LINGO2: variants seen among roughly 807,000 people sequenced by gnomAD.
LINGO2 encodes the protein leucine-rich repeat and immunoglobulin-like domain-containing nogo receptor-interacting protein 2.
A neutral mutation model predicts 30.6 loss-of-function variants in LINGO2; 14 were observed. The ratio of observed to expected loss-of-function variants is 0.46; its 90% confidence interval spans 0.30 to 0.72. The LOEUF is 0.72. Among genes scored for constraint, LINGO2 ranks in the 30% least tolerant of loss-of-function variants. The probability of loss-of-function intolerance (pLI) is 0.07; values close to 1 mark genes in which losing one functional copy is unlikely to be tolerated. For synonymous variants in LINGO2, 317 were observed against 288.5 expected, an observed-to-expected ratio of 1.10 and a Z score of -1.00; for missense variants, 729 against 751.7, an observed-to-expected ratio of 0.97 and a Z score of 0.35.
At chr9:28,486,692 A>G (rs1005435684) in intron 1 of LINGO2, among the ~76,000 whole-genome samples, 77 of 142,350 alleles carry the variant, frequency 5.4e-4, no homozygotes, top group African/African-American at 1.9e-3. Context: ...TGAGGCCTCC[A>G]AACAAATGGT....
At chr9:28,416,265 C>A (rs1179102297) in intron 2 of LINGO2, among the ~76,000 whole-genome samples, 1 of 152,024 alleles carries the variant, frequency 6.6e-6, no homozygotes, top group South Asian at 2.1e-4. Context: ...CATCACTATC[C>A]AGTTTAATTA....
At chr9:29,068,146 A>G in the LINGO2 span, among the ~76,000 whole-genome samples, 1 of 151,826 alleles carries the variant, frequency 6.6e-6, no homozygotes, top group Non-Finnish European at 1.5e-5. Context: ...TAACCATTGC[A>G]AATGAATTCA....
the LINGO2 span, among the ~76,000 whole-genome samples, chr9:28,903,750 A>G: frequency 6.6e-6 from 1 of 152,130 alleles, no homozygotes; most frequent in Non-Finnish European, 1.5e-5. Context: ...GAGCACTGGG[A>G]TTACAGATAT....
At chr9:28,817,675 G>T in the LINGO2 span, among the ~76,000 whole-genome samples, 3 of 152,182 alleles carry the variant, frequency 2.0e-5, no homozygotes, top group Non-Finnish European at 4.4e-5. Flanking sequence ...AATCATCAAT[G>T]ATGGCCAAGT....
chr9:28,391,643 C>T (rs1444418668), intron 2 of LINGO2, among the ~76,000 whole-genome samples: 1 of 148,832 alleles, frequency 6.7e-6, no homozygotes, highest in Non-Finnish European at 1.5e-5. Context: ...GATTTAATCA[C>T]CTCATCCACA....
At chr9:29,068,123 T>C in the LINGO2 span, among the ~76,000 whole-genome samples, 1 of 151,804 alleles carries the variant, frequency 6.6e-6, no homozygotes, top group Admixed American at 6.6e-5. Flanking sequence ...TGGGAAAATA[T>C]GAACAAAGCC....
the LINGO2 span, among the ~76,000 whole-genome samples, chr9:28,855,893 T>C: frequency 6.6e-6 from 1 of 152,050 alleles, no homozygotes; most frequent in Non-Finnish European, 1.5e-5. Context: ...TATTCTTGCC[T>C]AGGGCAATAT....
the LINGO2 span, among the ~76,000 whole-genome samples, chr9:28,990,486 A>G: frequency 6.6e-6 from 1 of 152,342 alleles, no homozygotes; most frequent in African/African-American, 2.4e-5. Context: ...CCTGTCTGAC[A>G]GCTTTGAAGA....
Position 28,148,367 on chromosome 9 carries a change from G to A in LINGO2, c.-86-135962C>T, listed in dbSNP as rs1485702232. ...CCCCGTGAGGATTCCTCATCTCAGA[G>A]GCAAGTTTAACCTTCAACTTCCTTC... On this transcript the variant is annotated intron_variant, in intron 4 of 5. Coordinates refer to ENST00000379992, the Ensembl canonical transcript of LINGO2. This position sits in a 1 kb window ranked among gnomAD's most constrained non-coding sequence, Gnocchi z 5.1. 3 of 1,080,092 alleles carry A rather than the reference G, an allele frequency of 2.8e-6. No homozygotes were observed. The highest frequency in any genetic ancestry group is 2.6e-5 in the East Asian group (1 of 38,746). 66.9% of individuals were successfully genotyped at this position (1,080,092 alleles called of 1,614,324 possible). A position where few individuals can be genotyped will look rare whatever the true frequency, so the allele number is the denominator to read the frequency against.
chr9:28,258,528 A>C (rs551814558), intron 4 of LINGO2, among the ~76,000 whole-genome samples: 1 of 152,078 alleles, frequency 6.6e-6, no homozygotes, highest in South Asian at 2.1e-4. Flanking sequence ...AGATTGTTAG[A>C]ATTATGCTGC....
chr9:29,193,050 C>CTA, the LINGO2 span, among the ~76,000 whole-genome samples: 3 of 152,152 alleles, frequency 2.0e-5, no homozygotes, highest in African/African-American at 7.2e-5. Context: ...TCAGAAGGCA[C>CTA]TATATATGTT....
the LINGO2 span, among the ~76,000 whole-genome samples, chr9:28,983,889 C>T: frequency 6.6e-6 from 1 of 152,020 alleles, no homozygotes; most frequent in Non-Finnish European, 1.5e-5. Context: ...GCACCATACA[C>T]TGATATACCT....
At chr9:28,974,588 A>C in the LINGO2 span, among the ~76,000 whole-genome samples, 1 of 152,194 alleles carries the variant, frequency 6.6e-6, no homozygotes, top group Admixed American at 6.5e-5. Flanking sequence ...TGCAAGCCTC[A>C]TGGTAAGGTC....
the LINGO2 span, among the ~76,000 whole-genome samples, chr9:28,724,038 CA>C: frequency 3.9e-5 from 6 of 151,964 alleles, no homozygotes; most frequent in Non-Finnish European, 5.9e-5. Flanking sequence ...CACAATAATA[CA>C]AACATACCAT....
intron 2 of LINGO2, among the ~76,000 whole-genome samples, chr9:28,468,759 C>T (rs922438792): frequency 7.9e-5 from 12 of 152,156 alleles, no homozygotes; most frequent in African/African-American, 2.4e-4. Flanking sequence ...AATATATGCT[C>T]AGAAAAGGTC....
chr9:27,994,887 C>G (rs1278260560), intron 5 of LINGO2, among the ~76,000 whole-genome samples: 1 of 152,086 alleles, frequency 6.6e-6, no homozygotes, highest in African/African-American at 2.4e-5. Context: ...CTTGCTTTGT[C>G]TTATCTTTTC....
intron 4 of LINGO2, among the ~76,000 whole-genome samples, chr9:28,121,873 C>G (rs573934051): frequency 6.6e-6 from 1 of 152,280 alleles, no homozygotes; most frequent in Non-Finnish European, 1.5e-5. Context: ...TATATTCAAG[C>G]TTGGTGCTAT....
At chr9:28,696,265 G>C in the LINGO2 span, among the ~76,000 whole-genome samples, 2 of 151,834 alleles carry the variant, frequency 1.3e-5, no homozygotes, top group African/African-American at 4.8e-5. Flanking sequence ...CCATGATTTG[G>C]GTTCACTTTT....
the LINGO2 span, among the ~76,000 whole-genome samples, chr9:28,993,401 G>A: frequency 2.0e-5 from 3 of 152,112 alleles, no homozygotes; most frequent in African/African-American, 7.2e-5. Flanking sequence ...AAGAGTCCAG[G>A]ACCAGATGGA....
Sources: gnomAD v4.1 joint callset for allele counts (sites outside exome capture counted in the v4.1 genomes callset) on GRCh38, gnomAD v4.1.1 for gene constraint, Gnocchi (gnomAD v3.1) non-coding constraint, MANE v1.5 for transcripts, NCBI Gene and HGNC (gene_info 2026-07-23, HGNC 2026-07-21) for gene names.